Variants in ENDOU observed in about 807,000 individuals in gnomAD.
The protein encoded by ENDOU is endonuclease, poly(U) specific, also known as uridylate-specific endoribonuclease.
A neutral mutation model predicts 54.2 loss-of-function variants in ENDOU; 49 were observed. The ratio of observed to expected loss-of-function variants is 0.90; its 90% confidence interval spans 0.72 to 1.15. The LOEUF (loss-of-function observed/expected upper bound fraction) is 1.15, where lower values mean the gene tolerates loss of function less well. Among genes scored for constraint, ENDOU ranks in the 50% most tolerant of loss-of-function variants. The pLI, the probability that ENDOU is intolerant of heterozygous loss-of-function variation, is 0.00. For missense variants in ENDOU, 458 were observed against 511.4 expected (o/e 0.90, Z 1.01); for synonymous variants, 172 against 190.5 (o/e 0.90, Z 0.80).
intron 2 of ENDOU, chr12:47,720,514 TG>T (rs1940396233): frequency 2.6e-6 from 1 of 383,758 alleles, no homozygotes; most frequent in Admixed American, 4.4e-5. Context: ...TTGTTAAAAC[TG>T]ATATTTCAGA....
chr12:47,722,607 C>A (rs368959655), intron 1 of ENDOU, among the ~76,000 whole-genome samples: 2 of 152,182 alleles, frequency 1.3e-5, no homozygotes, highest in African/African-American at 2.4e-5. Flanking sequence ...CTGGCTGGAG[C>A]AGTCTTCCCT....
intron 8 of ENDOU, 21 bp downstream of exon 8, chr12:47,712,495 T>A: frequency 6.4e-7 from 1 of 1,571,926 alleles, no homozygotes; most frequent in Non-Finnish European, 8.8e-7. Context: ...CTGACAAGGC[T>A]TTTCTAGTCC....
Position 47,717,597 on chromosome 12 carries a change from G to A in ENDOU, c.303C>T (p.His101=). ...QGRCYEAFDK[H]HQCHCNARCQ... Reference sequence around the variant, plus strand: ...AGCGGGCATTGCAGTGACATTGGTGGTGCTTGTCAAAGGCTTCGTAGCAGC... The same window carrying A: ...AGCGGGCATTGCAGTGACATTGGTGATGCTTGTCAAAGGCTTCGTAGCAGC... Residue 101 remains histidine, a synonymous_variant, in exon 4 of 10, where the codon CAC becomes CAT. Coordinates refer to ENST00000422538, the MANE Select transcript of ENDOU (RefSeq NM_001172439.2). 1 of 1,614,182 alleles carries A rather than the reference G, an allele frequency of 6.2e-7. No homozygotes were observed. Among genetic ancestry groups the A allele is most frequent in the Non-Finnish European group, 8.5e-7 (1 of 1,180,028 alleles).
chr12:47,713,886 G>A (rs989729339), intron 6 of ENDOU, among the ~76,000 whole-genome samples: 3 of 152,142 alleles, frequency 2.0e-5, no homozygotes, highest in Non-Finnish European at 4.4e-5. Context: ...AAGAGCAAAG[G>A]CTCCAGGCAG....
chr12:47,713,218 G>T, intron 7 of ENDOU, 57 bp downstream of exon 7: 1 of 1,259,328 alleles, frequency 7.9e-7, no homozygotes, highest in Non-Finnish European at 1.2e-6. Flanking sequence ...CTGCTCCTGA[G>T]CAAAGCCATT....
chr12:47,725,213 A>G (rs964861272), intron 1 of ENDOU, 146 bp downstream of exon 1: 3 of 823,120 alleles, frequency 3.6e-6, no homozygotes, highest in Non-Finnish European at 6.0e-6. Flanking sequence ...AGACAAGGAC[A>G]ACCCAAAAGT....
intron 2 of ENDOU, 86 bp downstream of exon 2, chr12:47,720,667 C>T: frequency 6.9e-7 from 1 of 1,449,738 alleles, no homozygotes; most frequent in Non-Finnish European, 9.2e-7. Flanking sequence ...CCTGTGAGTC[C>T]TGAACGCTGC....
chr12:47,724,374 C>T (rs11830795), intron 1 of ENDOU, among the ~76,000 whole-genome samples: 48,068 of 151,978 alleles, frequency 0.32, 7,878 homozygotes, highest in African/African-American at 0.41. Context: ...GGGTTTTCCA[C>T]TTAGAAATCC....
intron 5 of ENDOU, 111 bp downstream of exon 5, chr12:47,716,779 T>C (rs925700598): frequency 1.1e-5 from 12 of 1,131,964 alleles, no homozygotes; most frequent in South Asian, 6.0e-5. Context: ...CTATTTTTTT[T>C]CTGCTCTCCC....
chr12:47,723,884 A>C (rs1940509231), intron 1 of ENDOU, among the ~76,000 whole-genome samples: 2 of 152,194 alleles, frequency 1.3e-5, no homozygotes, highest in African/African-American at 4.8e-5. Context: ...CAGCTCATAA[A>C]GGAGGACCTG....
intron 1 of ENDOU, among the ~76,000 whole-genome samples, chr12:47,723,455 C>G (rs537469320): frequency 2.9e-4 from 44 of 152,306 alleles, no homozygotes; most frequent in African/African-American, 1.1e-3. Context: ...GCTCCCCAAG[C>G]CAGGTGCCTG....
Position 47,716,615 on chromosome 12 carries a change from G to T in ENDOU, c.552-116C>A, listed in dbSNP as rs1207141380. On this transcript the variant is annotated intron_variant, in intron 5 of 9. Transcript: ENST00000422538. The stretch of plus-strand genomic sequence containing the variant: ...GCGAGGGCTGGGTTCAGGAGCCGAG[G>T]GGGCACTTCGGGTACTCTTGAAAGT... 6 of 868,460 alleles carry T rather than the reference G, an allele frequency of 6.9e-6. No homozygotes were observed. The Admixed American group carries it at 1.0e-4, about 15-fold the overall frequency. 53.8% of individuals were successfully genotyped at this position (868,460 alleles called of 1,614,324 possible).
chr12:47,711,057 T>TCTTCAGCAGCTGCCTC, intron 9 of ENDOU, 138 bp from the exon 10 acceptor site: 1 of 507,460 alleles, frequency 2.0e-6, no homozygotes, highest in South Asian at 3.5e-5. Context: ...GGCACTGCTT[T>TCTTCAGCAGCTGCCTC]CTTCAGCAGC....
Position 47,720,677 on chromosome 12 carries a change from C to T in ENDOU, c.178+76G>A, listed in dbSNP as rs148073187. On this transcript the variant is annotated intron_variant, in intron 2 of 9. Transcript: ENST00000422538. ...GAGCCCCTGTGAGTCCTGAACGCTG[C>T]TCTGGCCTGCTGGACACCCAGGCCA... 465 of 1,491,844 alleles carry T rather than the reference C, an allele frequency of 3.1e-4. 6 individuals are homozygous for T. The African/African-American group carries it at 5.6e-3, about 18-fold the overall frequency. 92.4% of individuals were successfully genotyped at this position (1,491,844 alleles called of 1,614,324 possible). A position where few individuals can be genotyped will look rare whatever the true frequency, so the allele number is the denominator to read the frequency against.
At chr12:47,724,114 C>G (rs1288972717) in intron 1 of ENDOU, among the ~76,000 whole-genome samples, 1 of 152,212 alleles carries the variant, frequency 6.6e-6, no homozygotes, top group Non-Finnish European at 1.5e-5. Context: ...ACCTCTGCCC[C>G]CCAGGGACCA....
chr12:47,711,399 A>T (rs966383803), intron 9 of ENDOU, among the ~76,000 whole-genome samples: 3 of 152,176 alleles, frequency 2.0e-5, no homozygotes, highest in Non-Finnish European at 2.9e-5. Context: ...CCTGCGTAAG[A>T]TTTCACTTTG....
intron 8 of ENDOU, among the ~76,000 whole-genome samples, chr12:47,712,280 C>T (rs533548037): frequency 4.6e-5 from 7 of 152,286 alleles, no homozygotes; most frequent in African/African-American, 1.2e-4. Context: ...GCTCCCACCC[C>T]GATATGGTGC....
At chr12:47,710,981 G>T in intron 9 of ENDOU, 62 bp from the exon 10 acceptor site, 3 of 1,155,698 alleles carry the variant, frequency 2.6e-6, no homozygotes, top group Non-Finnish European at 3.8e-6. Flanking sequence ...TCCCTGGGCT[G>T]GAAGGATCAA....
At chr12:47,715,371 T>C (rs1940190193) in intron 6 of ENDOU, among the ~76,000 whole-genome samples, 1 of 152,212 alleles carries the variant, frequency 6.6e-6, no homozygotes. Context: ...CCAACTCATT[T>C]GTGGCCTCAG....
Sources: allele counts gnomAD v4.1 joint callset (sites outside exome capture counted in the v4.1 genomes callset), GRCh38; gene constraint gnomAD v4.1.1; transcripts MANE v1.5; gene names NCBI Gene and HGNC (gene_info 2026-07-23, HGNC 2026-07-21).